ITGA7: variants seen among roughly 807,000 people sequenced by gnomAD.
ITGA7 encodes integrin subunit alpha 7, also known as integrin alpha-7.
In ITGA7, 84 loss-of-function variants were observed where a neutral mutation model predicts 131.6. The ratio of observed to expected loss-of-function variants is 0.64; its 90% CI spans 0.54 to 0.77. The LOEUF (loss-of-function observed/expected upper bound fraction) is 0.77, where lower values mean the gene tolerates loss of function less well. Ranked by LOEUF, ITGA7 falls within the 30% of genes least tolerant of loss-of-function variation. The probability of loss-of-function intolerance (pLI) is 0.00; values close to 1 mark genes in which losing one functional copy is unlikely to be tolerated. For missense variants in ITGA7, 1,399 were observed against 1,482.9 expected (o/e 0.94, Z 0.93); for synonymous variants, 548 against 600.7 (o/e 0.91, Z 1.28).
chr12:55,703,707 T>C (rs1405704836), intron 1 of ITGA7, among the ~76,000 whole-genome samples: 1 of 152,090 alleles, frequency 6.6e-6, no homozygotes, highest in Non-Finnish European at 1.5e-5. Context: ...ACGGACCCAC[T>C]GCCCCCTCAT....
At position 55,694,846 on chromosome 12, in the gene ITGA7, C is replaced by G; in HGVS notation, c.2128G>C (p.Glu710Gln). ...QPQADGDDAHEAQLLVMLPDS... is the reference protein window; with the variant it reads ...QPQADGDDAHQAQLLVMLPDS... Reference sequence around the variant, plus strand: ...GGAAGCATGACCAGGAGCTGGGCTTCATGGGCATCATCCCCATCAGCCTGG... The same window carrying G: ...GGAAGCATGACCAGGAGCTGGGCTTGATGGGCATCATCCCCATCAGCCTGG... The change falls in exon 15 of 25, where the codon GAA becomes CAA. Residue 710 changes from glutamate (E) to glutamine (Q), a missense_variant. Coordinates refer to ENST00000257879, the MANE Select transcript of ITGA7 (RefSeq NM_002206.3). This position sits in a 1 kb window ranked among gnomAD's most constrained non-coding sequence, Gnocchi z 5.3. 6.2e-7 allele frequency: 1 copy of G among 1,614,092 alleles called. No individual in the cohort carries two copies.
intron 4 of ITGA7, chr12:55,700,469 G>A: frequency 6.6e-7 from 1 of 1,513,836 alleles, no homozygotes; most frequent in South Asian, 1.2e-5. Flanking sequence ...AGTTAGACAG[G>A]CACACGGGGA....
intron 7 of ITGA7, 68 bp from the exon 8 acceptor site, chr12:55,698,094 TC>T (rs1873061629): frequency 3.7e-6 from 5 of 1,368,332 alleles, no homozygotes; most frequent in Admixed American, 1.7e-5. Flanking sequence ...AGGCCTCAAC[TC>T]CCCCCAGTCA....
chr12:55,686,807 C>T (rs570536234), intron 24 of ITGA7, among the ~76,000 whole-genome samples: 5 of 152,342 alleles, frequency 3.3e-5, no homozygotes, highest in South Asian at 2.1e-4. Flanking sequence ...CTCTGAGTTC[C>T]GCCATGAGGG....
chr12:55,712,068 C>T, upstream of ITGA7: 2 of 1,551,328 alleles, frequency 1.3e-6, no homozygotes, highest in Non-Finnish European at 1.7e-6. Flanking sequence ...CTCACCTCTC[C>T]AGCACTGGAA....
chr12:55,705,895 A>C (rs1409434977), intron 1 of ITGA7, among the ~76,000 whole-genome samples: 2 of 152,172 alleles, frequency 1.3e-5, no homozygotes, highest in Non-Finnish European at 2.9e-5. Flanking sequence ...TTTTTTCATC[A>C]GTGAGTGCTA....
chr12:55,709,888 A>C (rs1485118511), upstream of ITGA7, among the ~76,000 whole-genome samples: 1 of 152,062 alleles, frequency 6.6e-6, no homozygotes, highest in African/African-American at 2.4e-5. Flanking sequence ...AGGAAAGAAG[A>C]GAGAGAGAGG....
intron 21 of ITGA7, among the ~76,000 whole-genome samples, chr12:55,690,320 C>T (rs1225561292): frequency 1.3e-5 from 2 of 152,090 alleles, no homozygotes; most frequent in Non-Finnish European, 2.9e-5. Context: ...AGGACATGAA[C>T]AGATACTTCT....
In ITGA7 at chr12:55,701,011, T is replaced by C. The variant is rs552091036; in HGVS notation, c.558A>G (p.Gly186=). ...CAAATTGTTCATGGCCTTGGGGGCG[T>C]CCCTCACAGAACTTCCATTCCCCAC... ...LDGGEWKFCE[G]RPQGHEQFGF... Residue 186 remains glycine, a synonymous_variant, in exon 4 of 25, where the codon GGA becomes GGG. Coordinates refer to ENST00000257879, the MANE Select transcript of ITGA7 (RefSeq NM_002206.3). The C allele has an allele frequency of 1.9e-4, 305 of 1,614,188 alleles. 3 individuals are homozygous for C. The South Asian group carries it at 3.1e-3, about 17-fold the overall frequency.
intron 14 of ITGA7, 62 bp from the exon 15 acceptor site, chr12:55,695,032 C>A: frequency 6.6e-7 from 1 of 1,515,564 alleles, no homozygotes; most frequent in South Asian, 1.2e-5. Flanking sequence ...TTCCCCCGCC[C>A]AGTCTGCTCC....
chr12:55,708,158 C>T, upstream of ITGA7: 1 of 486,300 alleles, frequency 2.1e-6, no homozygotes, highest in Non-Finnish European at 2.7e-6. Context: ...GTGGTGGAGG[C>T]GGCGCCTTGG....
chr12:55,712,013 G>T (rs944059475), upstream of ITGA7: 6 of 1,445,346 alleles, frequency 4.2e-6, no homozygotes, highest in East Asian at 2.5e-5. Flanking sequence ...CCAAGGTCAG[G>T]CTTTTCCGTC....
chr12:55,693,411 G>C, intron 19 of ITGA7, 94 bp from the exon 20 acceptor site: 1 of 1,157,282 alleles, frequency 8.6e-7, no homozygotes, highest in African/African-American at 1.6e-5. Flanking sequence ...TGTTGCCCAG[G>C]CTTGTCTCTA....
At chr12:55,700,730 C>T (rs892131003) in intron 4 of ITGA7, 169 bp downstream of exon 4, 3 of 859,790 alleles carry the variant, frequency 3.5e-6, no homozygotes, top group African/African-American at 3.4e-5. Flanking sequence ...AAAGGAGGCA[C>T]CCCCCATTCA....
intron 3 of ITGA7, among the ~76,000 whole-genome samples, chr12:55,702,366 G>T (rs1274216487): frequency 6.6e-6 from 1 of 152,114 alleles, no homozygotes; most frequent in African/African-American, 2.4e-5. Flanking sequence ...GTTTTTAGTA[G>T]AGACGGGGTT....
At position 55,695,500 on chromosome 12, in the gene ITGA7, C is replaced by T. The variant is rs752433753; in HGVS notation, c.2003+22G>A. 1.2e-5 allele frequency: 15 copies of T among 1,303,960 alleles called. No homozygotes were observed. The East Asian group carries it at 3.2e-4, about 28-fold the overall frequency. The allele number at this position is 1,303,960 out of a possible 1,614,324, so 80.8% of individuals were successfully genotyped here. On this transcript the variant is annotated intron_variant, in intron 14 of 24. Transcript: ENST00000257879. ...TTGAACTCTTGCCCTCCCACCCCCACCCTGCTCTCTGCCCCCCTCACATGG... is the reference window on the plus strand; with the variant it reads ...TTGAACTCTTGCCCTCCCACCCCCATCCTGCTCTCTGCCCCCCTCACATGG...
In ITGA7 at chr12:55,688,447, G is replaced by C. The variant is rs771719921; in HGVS notation, c.2959-147C>G. On this transcript the variant is annotated intron_variant, in intron 22 of 24. Coordinates refer to ENST00000257879, the MANE Select transcript of ITGA7 (RefSeq NM_002206.3). Reference sequence around the variant, plus strand: ...GTTAAGAGTATGCTGCGTTTGGGCTGGGCACAGTGGCTCACACCTGTAATC... The same window carrying C: ...GTTAAGAGTATGCTGCGTTTGGGCTCGGCACAGTGGCTCACACCTGTAATC... 4.9e-4 allele frequency: 364 copies of C among 738,030 alleles called. 1 individual carries two copies. Among genetic ancestry groups the C allele is most frequent in the Middle Eastern group, 1.3e-3 (4 of 3,188 alleles). The allele number at this position is 738,030 out of a possible 1,614,324, so 45.7% of individuals were successfully genotyped here.
chr12:55,700,083 G>A lies in ITGA7; in HGVS notation c.671-94C>T, dbSNP rs1873632355. On this transcript the variant is annotated intron_variant, in intron 4 of 24. Coordinates refer to ENST00000257879, the MANE Select transcript of ITGA7 (RefSeq NM_002206.3). ...AGCCACAGAAAGGCCAGAAAATGGT[G>A]GAAGAAGAAGAGGTGGAGAGAGAAA... The A allele has an allele frequency of 3.3e-6, 5 of 1,509,490 alleles. No homozygotes were observed. In the South Asian group the frequency reaches 5.7e-5, roughly 17 times the overall value. 93.5% of individuals were successfully genotyped at this position (1,509,490 alleles called of 1,614,324 possible). A position where few individuals can be genotyped will look rare whatever the true frequency, so the allele number is the denominator to read the frequency against.
At chr12:55,687,058 C>T (rs1870312159) in intron 24 of ITGA7, among the ~76,000 whole-genome samples, 1 of 152,058 alleles carries the variant, frequency 6.6e-6, no homozygotes, top group Non-Finnish European at 1.5e-5. Context: ...CCTCTAAACT[C>T]CCACTCCATT....
Sources: gnomAD v4.1 joint callset for allele counts (sites outside exome capture counted in the v4.1 genomes callset) on GRCh38, gnomAD v4.1.1 for gene constraint, Gnocchi (gnomAD v3.1) non-coding constraint, MANE v1.5 for transcripts, NCBI Gene and HGNC (gene_info 2026-07-23, HGNC 2026-07-21) for gene names.